Variants in HSP90B1 observed in about 807,000 individuals in gnomAD.
HSP90B1 encodes the protein heat shock protein 90 beta family member 1.
Under a neutral mutation model 100.4 loss-of-function variants are expected in HSP90B1, and 27 were observed. The observed-to-expected ratio is 0.27, with a 90% CI of 0.20 to 0.37. HSP90B1 has a LOEUF of 0.37. Among genes scored for constraint, HSP90B1 ranks in the 10% least tolerant of loss-of-function variants. The pLI is 1.00. For missense variants in HSP90B1, 678 were observed against 960.5 expected (o/e 0.71, Z 3.89); for synonymous variants, 304 against 330.8 (o/e 0.92, Z 0.88).
At position 103,930,590 on chromosome 12, in the gene HSP90B1, TC is replaced by T; in HGVS notation, c.49+32del. 6.3e-7 allele frequency: 1 copy of T among 1,591,572 alleles called. No homozygotes were observed. The highest frequency in any genetic ancestry group is 1.4e-5 in the African/African-American group (1 of 73,118). On this transcript the variant is annotated intron_variant, in intron 1 of 17. Coordinates refer to ENST00000299767, the MANE Select transcript of HSP90B1 (RefSeq NM_003299.3). This position sits in a 1 kb window ranked among gnomAD's most constrained non-coding sequence, Gnocchi z 4.4. ...GTGAGTGATTCTGGAGGAGCAGACG[TC>T]CCCCCTCCACACACGCGGCCGCTTC... is the stretch of plus-strand genomic sequence containing the variant.
intron 5 of HSP90B1, among the ~76,000 whole-genome samples, chr12:103,935,325 C>G (rs141975736): frequency 6.6e-6 from 1 of 152,158 alleles, no homozygotes; most frequent in Non-Finnish European, 1.5e-5. Context: ...AGCACTGTGA[C>G]GTAGACAGGG....
Position 103,930,746 on chromosome 12 carries a change from AAAG to A in HSP90B1, c.49+184_49+186del, listed in dbSNP as rs1869724158. ...TTCTCTTCTTCCTCTGGAAATAAAA[AAAG>A]AGAGCAACATCATCTAACTGCCCTA... On this transcript the variant is annotated intron_variant, in intron 1 of 17. Coordinates refer to ENST00000299767, the MANE Select transcript of HSP90B1 (RefSeq NM_003299.3). This position sits in a 1 kb window ranked among gnomAD's most constrained non-coding sequence, Gnocchi z 4.4. 6.8e-6 allele frequency among the ~76,000 whole-genome samples: 1 copy of A among 146,512 alleles called. No homozygotes were observed. The highest frequency in any genetic ancestry group is 1.5e-5 in the Non-Finnish European group (1 of 66,662).
chr12:103,933,871 G>C, intron 4 of HSP90B1, 85 bp from the exon 5 acceptor site: 1 of 1,050,138 alleles, frequency 9.5e-7, no homozygotes. Flanking sequence ...GAATTGATGG[G>C]ACCCAAAGCT....
rs1593490475 is a variant in HSP90B1 at position 103,940,402 on chromosome 12, A to G, written c.1092+777A>G. 2.0e-5 allele frequency among the ~76,000 whole-genome samples: 3 copies of G among 151,904 alleles called. No individual in the cohort carries two copies. In the South Asian group the frequency reaches 6.2e-4, roughly 31 times the overall value. ...TCTTAAGGATGCAAAACTAGCATTG[A>G]TAAAGTTTGTTTAAAGTTAATGTTT... On this transcript the variant is annotated intron_variant, in intron 8 of 17. Coordinates refer to ENST00000299767, the MANE Select transcript of HSP90B1 (RefSeq NM_003299.3).
chr12:103,938,611 A>T, intron 7 of HSP90B1, 152 bp downstream of exon 7: 1 of 776,378 alleles, frequency 1.3e-6, no homozygotes, highest in East Asian at 2.6e-5. Flanking sequence ...CTTTGTTTGT[A>T]TGTTGAATAC....
chr12:103,932,183 A>G, intron 2 of HSP90B1, 94 bp from the exon 3 acceptor site: 3 of 996,958 alleles, frequency 3.0e-6, no homozygotes, highest in Non-Finnish European at 4.4e-6. Flanking sequence ...CCCCCAAGAC[A>G]ATATTCAGAG....
chr12:103,942,929 A>G, intron 12 of HSP90B1, 133 bp downstream of exon 12: 1 of 1,421,520 alleles, frequency 7.0e-7, no homozygotes, highest in South Asian at 1.4e-5. Flanking sequence ...AGTCACTGAC[A>G]GGAAGGTCAT....
At chr12:103,946,527 G>A in intron 14 of HSP90B1, 91 bp from the exon 15 acceptor site, 3 of 888,844 alleles carry the variant, frequency 3.4e-6, no homozygotes, top group Non-Finnish European at 3.6e-6. Context: ...TTTACCAAGA[G>A]TTGTTCTGTG....
chr12:103,939,546 A>G lies in HSP90B1; in HGVS notation c.1013A>G (p.Asp338Gly), dbSNP rs759301090. 2 of 1,579,264 alleles carry G rather than the reference A, an allele frequency of 1.3e-6. No homozygotes were observed. The highest frequency in any genetic ancestry group is 1.7e-6 in the Non-Finnish European group (2 of 1,164,730). Residue 338 changes from aspartate to glycine, a missense_variant, in exon 8 of 18, where the codon GAT becomes GGT. Coordinates refer to ENST00000299767, the MANE Select transcript of HSP90B1 (RefSeq NM_003299.3). ...KTVWDWELMN[D>G]IKPIWQRPSK... ...GTCTGGGACTGGGAACTTATGAATG[A>G]TATCAAACCAATATGGCAGAGACCA...
chr12:103,938,454 A>G lies in HSP90B1; in HGVS notation c.970A>G (p.Lys324Glu), dbSNP rs1869981966. The change falls in exon 7 of 18, where the codon AAA (lysine) becomes GAA (glutamate). Residue 324 changes from lysine (K) to glutamate (E), a missense_variant. Physicochemically the swap from Lys to Glu is moderately conservative, Grantham distance 56. Coordinates refer to ENST00000299767, the MANE Select transcript of HSP90B1 (RefSeq NM_003299.3). ...AGAAGAAGAAAAGAAACCAAAGACT[A>G]AAAAAGTAAGTCTGGTTTATCTCCC... ...EEEEEKKPKT[K>E]KVEKTVWDWE... 1 of 1,608,802 alleles carries G rather than the reference A, an allele frequency of 6.2e-7. No individual in the cohort carries two copies. The highest frequency in any genetic ancestry group is 8.5e-7 in the Non-Finnish European group (1 of 1,177,418).
In HSP90B1 at chr12:103,943,439, T is replaced by C; in HGVS notation, c.1890+120T>C. 1 of 893,766 alleles carries C rather than the reference T, an allele frequency of 1.1e-6. No individual in the cohort carries two copies. The highest frequency in any genetic ancestry group is 1.6e-6 in the Non-Finnish European group (1 of 607,012). The allele number at this position is 893,766 out of a possible 1,614,324, so 55.4% of individuals were successfully genotyped here. The stretch of plus-strand genomic sequence containing the variant: ...AACCATTAGAATGGTAAAAATTTAA[T>C]TAATGTAATTAAATTATTGGGAGAA... On this transcript the variant is annotated intron_variant, in intron 13 of 17. Transcript: ENST00000299767. This position sits in a 1 kb window ranked among gnomAD's most constrained non-coding sequence, Gnocchi z 5.3.
intron 11 of HSP90B1, 98 bp from the exon 12 acceptor site, chr12:103,942,429 T>C: frequency 9.3e-7 from 1 of 1,076,708 alleles, no homozygotes; most frequent in Non-Finnish European, 1.3e-6. Flanking sequence ...GCAATAACGA[T>C]ATCGTCTTTG....
chr12:103,932,359 C>G lies in HSP90B1; in HGVS notation c.235C>G (p.Gln79Glu). 1 of 1,613,210 alleles carries G rather than the reference C, an allele frequency of 6.2e-7. No individual in the cohort carries two copies. Among genetic ancestry groups the G allele is most frequent in the South Asian group, 1.1e-5 (1 of 90,938 alleles). ...LREKSEKFAF[Q>E]AEVNRMMKLI... ...AGAGAAGTCGGAAAAGTTTGCCTTC[C>G]AAGCCGAAGTTAACAGAATGATGAA... The change falls in exon 3 of 18, where the codon CAA becomes GAA. Residue 79 changes from glutamine (Q) to glutamate (E), a missense_variant. Physicochemically the swap from Gln to Glu is conservative, Grantham distance 29. Coordinates refer to ENST00000299767, the MANE Select transcript of HSP90B1 (RefSeq NM_003299.3).
intron 5 of HSP90B1, among the ~76,000 whole-genome samples, chr12:103,935,306 G>A (rs375518985): frequency 8.9e-4 from 135 of 152,256 alleles, no homozygotes; most frequent in Non-Finnish European, 1.7e-3. Context: ...AGTAGCTCTC[G>A]TTGCTTATAG....
At chr12:103,947,513 G>C in intron 17 of HSP90B1, 83 bp downstream of exon 17, 2 of 1,608,284 alleles carry the variant, frequency 1.2e-6, no homozygotes, top group South Asian at 2.2e-5. Flanking sequence ...AGTTAAGACT[G>C]TGTAACTTAC....
At chr12:103,932,181 A>G (rs1869785943) in intron 2 of HSP90B1, 96 bp from the exon 3 acceptor site, 4 of 972,572 alleles carry the variant, frequency 4.1e-6, no homozygotes, top group African/African-American at 1.7e-5. Context: ...AACCCCCAAG[A>G]CAATATTCAG....
Position 103,939,596 on chromosome 12 carries a change from T to C in HSP90B1, c.1063T>C (p.Tyr355His). The C allele has an allele frequency of 6.6e-7, 1 of 1,515,722 alleles. No individual in the cohort carries two copies. The highest frequency in any genetic ancestry group is 9.0e-7 in the Non-Finnish European group (1 of 1,106,460). 93.9% of individuals were successfully genotyped at this position (1,515,722 alleles called of 1,614,324 possible). A position where few individuals can be genotyped will look rare whatever the true frequency, so the allele number is the denominator to read the frequency against. Reference sequence around the variant, plus strand: ...ATCAAAAGAAGTAGAAGAAGATGAATACAAAGCTTTCTACAAATCATTTTC... The same window carrying C: ...ATCAAAAGAAGTAGAAGAAGATGAACACAAAGCTTTCTACAAATCATTTTC... ...RPSKEVEEDE[Y>H]KAFYKSFSKE... Residue 355 changes from tyrosine (Y) to histidine (H), a missense_variant, in exon 8 of 18, where the codon TAC becomes CAC. Tyr to His is a moderately conservative substitution (Grantham distance 83, BLOSUM62 2). Coordinates refer to ENST00000299767, the MANE Select transcript of HSP90B1 (RefSeq NM_003299.3).
At chr12:103,942,425 A>C in intron 11 of HSP90B1, 102 bp from the exon 12 acceptor site, 1 of 1,043,068 alleles carries the variant, frequency 9.6e-7, no homozygotes, top group East Asian at 2.5e-5. Flanking sequence ...AATGGCAATA[A>C]CGATATCGTC....
At position 103,931,537 on chromosome 12, in the gene HSP90B1, C is replaced by G. The variant is rs773231799; in HGVS notation, c.66C>G (p.Asp22Glu). 41 of 1,612,988 alleles carry G rather than the reference C, an allele frequency of 2.5e-5. No individual in the cohort carries two copies. The highest frequency in any genetic ancestry group is 3.1e-5 in the Non-Finnish European group (36 of 1,179,312). Residue 22 changes from aspartate (D) to glutamate (E), a missense_variant, in exon 2 of 18, where the codon GAC becomes GAG. Asp to Glu is a conservative substitution (Grantham distance 45). This residue lies in a region of HSP90B1 where 88 missense variants were observed against 88.2 expected (regional missense o/e 1.00). Transcript: ENST00000299767. Reference sequence around the variant, plus strand: ...AATCTTCAGGGTCGGTCAGAGCTGACGATGAAGTTGATGTGGATGGTACAG... The same window carrying G: ...AATCTTCAGGGTCGGTCAGAGCTGAGGATGAAGTTGATGTGGATGGTACAG... ...VLLTFGSVRA[D>E]DEVDVDGTVE... is the part of the protein sequence containing the mutation.
Sources: allele counts gnomAD v4.1 joint callset (sites outside exome capture counted in the v4.1 genomes callset), GRCh38; gene constraint gnomAD v4.1.1; regional missense constraint gnomAD v4.1.1; non-coding constraint Gnocchi (gnomAD v3.1); transcripts MANE v1.5; gene names NCBI Gene and HGNC (gene_info 2026-07-23, HGNC 2026-07-21).